The following CFAP299 variants were observed in gnomAD, a reference collection of about 807,000 sequenced individuals.
CFAP299 encodes cilia and flagella associated protein 299, also known as cilia- and flagella-associated protein 299.
Under a neutral mutation model 27.0 loss-of-function variants are expected in CFAP299, and 21 were observed. That is an observed-to-expected ratio of 0.78 (90% CI 0.55 to 1.12). CFAP299 has a LOEUF of 1.12. Among genes scored for constraint, CFAP299 ranks in the 50% most tolerant of loss-of-function variants. The pLI, the probability that CFAP299 is intolerant of heterozygous loss-of-function variation, is 0.00. For missense variants in CFAP299, 310 were observed against 276.6 expected (o/e 1.12, Z -0.86); for synonymous variants, 104 against 98.1 (o/e 1.06, Z -0.36).
chr4:80,898,694 T>G (rs981093174), intron 4 of CFAP299, among the ~76,000 whole-genome samples: 2 of 152,038 alleles, frequency 1.3e-5, no homozygotes, highest in African/African-American at 4.8e-5. Flanking sequence ...AAAATTAGAT[T>G]TTAATCCTTC....
chr4:80,369,848 C>T (rs530970751), intron 2 of CFAP299, among the ~76,000 whole-genome samples: 21 of 152,306 alleles, frequency 1.4e-4, no homozygotes, highest in East Asian at 1.4e-3. Flanking sequence ...CATTCCAGCA[C>T]TTTTAGCTGA....
At chr4:80,777,779 G>A (rs1343579247) in intron 3 of CFAP299, among the ~76,000 whole-genome samples, 1 of 152,060 alleles carries the variant, frequency 6.6e-6, no homozygotes, top group Non-Finnish European at 1.5e-5. Flanking sequence ...AACTCTTAGA[G>A]AGGTATACTA....
chr4:80,373,497 A>C (rs1430101586), intron 2 of CFAP299, among the ~76,000 whole-genome samples: 1 of 152,146 alleles, frequency 6.6e-6, no homozygotes, highest in Non-Finnish European at 1.5e-5. Context: ...ATGGCAGTGC[A>C]TCGTGCTTTT....
intron 3 of CFAP299, among the ~76,000 whole-genome samples, chr4:80,833,194 GAC>G (rs1730390056): frequency 1.3e-5 from 2 of 151,958 alleles, no homozygotes; most frequent in Non-Finnish European, 2.9e-5. Context: ...AATACTTAAA[GAC>G]ACAATTTACA....
intron 3 of CFAP299, among the ~76,000 whole-genome samples, chr4:80,849,011 A>G (rs767125517): frequency 1.2e-4 from 19 of 152,168 alleles, no homozygotes; most frequent in African/African-American, 2.2e-4. Flanking sequence ...TTCTTCTATA[A>G]TAAATTCACC....
intron 3 of CFAP299, among the ~76,000 whole-genome samples, chr4:80,783,391 C>A (rs1727046565): frequency 6.6e-6 from 1 of 152,120 alleles, no homozygotes; most frequent in African/African-American, 2.4e-5. Flanking sequence ...CCATACGAGG[C>A]ACCTCCATTT....
chr4:80,834,566 G>T (rs572898080), intron 3 of CFAP299, among the ~76,000 whole-genome samples: 1 of 152,136 alleles, frequency 6.6e-6, no homozygotes, highest in Non-Finnish European at 1.5e-5. Flanking sequence ...GTCTGTTTCT[G>T]ACACTTTCCC....
chr4:80,750,232 G>A (rs909681047), intron 3 of CFAP299, among the ~76,000 whole-genome samples: 1 of 151,876 alleles, frequency 6.6e-6, no homozygotes, highest in African/African-American at 2.4e-5. Context: ...ATAAAAAATA[G>A]CATTTAAAAA....
intron 2 of CFAP299, among the ~76,000 whole-genome samples, chr4:80,546,331 A>G (rs1486500287): frequency 6.6e-6 from 1 of 152,154 alleles, no homozygotes; most frequent in Non-Finnish European, 1.5e-5. Context: ...ATACACCAAT[A>G]CTATTCAACC....
At chr4:80,419,029 A>G (rs1727158017) in intron 2 of CFAP299, among the ~76,000 whole-genome samples, 1 of 152,178 alleles carries the variant, frequency 6.6e-6, no homozygotes, top group African/African-American at 2.4e-5. Flanking sequence ...CAGCAAATCT[A>G]TATCCATACA....
chr4:80,648,564 T>G (rs976688112), intron 3 of CFAP299, among the ~76,000 whole-genome samples: 1 of 152,148 alleles, frequency 6.6e-6, no homozygotes, highest in Admixed American at 6.6e-5. Flanking sequence ...TGAAAAATCT[T>G]GAAATAAAGA....
intron 2 of CFAP299, among the ~76,000 whole-genome samples, chr4:80,383,478 A>G (rs1460236463): frequency 6.6e-5 from 10 of 152,170 alleles, no homozygotes; most frequent in Admixed American, 6.5e-4. Context: ...CTTTCAAGGA[A>G]TCATATAGTG....
chr4:80,420,302 A>G (rs557484401), intron 2 of CFAP299: 5 of 441,100 alleles, frequency 1.1e-5, no homozygotes, highest in Admixed American at 9.6e-5. Flanking sequence ...TTCTCTACAG[A>G]TGCAAATCTC....
chr4:80,749,119 G>A (rs1724785532), intron 3 of CFAP299, among the ~76,000 whole-genome samples: 1 of 152,132 alleles, frequency 6.6e-6, no homozygotes, highest in Non-Finnish European at 1.5e-5. Context: ...TAAAGAGAAA[G>A]AGAATATTCA....
chr4:80,897,288 T>C (rs1247811293), intron 4 of CFAP299, among the ~76,000 whole-genome samples: 1 of 152,190 alleles, frequency 6.6e-6, no homozygotes, highest in African/African-American at 2.4e-5. Context: ...AGTAATTATA[T>C]ATTAGGCATC....
intron 3 of CFAP299, among the ~76,000 whole-genome samples, chr4:80,729,493 T>A (rs1208832224): frequency 6.6e-6 from 1 of 151,984 alleles, no homozygotes; most frequent in Non-Finnish European, 1.5e-5. Flanking sequence ...TCTTGGGCAC[T>A]CTTAGGTCAC....
At chr4:80,919,888 C>T (rs7655600) in intron 4 of CFAP299, among the ~76,000 whole-genome samples, 10,192 of 152,108 alleles carry the variant, frequency 0.067, 723 homozygotes, top group African/African-American at 0.16. Flanking sequence ...GCTTTGCCCC[C>T]AGTATATATG....
intron 3 of CFAP299, among the ~76,000 whole-genome samples, chr4:80,834,560 G>A (rs989398863): frequency 6.6e-6 from 1 of 152,164 alleles, no homozygotes; most frequent in Non-Finnish European, 1.5e-5. Context: ...TGTCCAGTCT[G>A]TTTCTGACAC....
At chr4:80,518,900 G>A (rs1313967802) in intron 2 of CFAP299, among the ~76,000 whole-genome samples, 3 of 152,212 alleles carry the variant, frequency 2.0e-5, no homozygotes, top group Admixed American at 6.5e-5. Context: ...ACAGGCAGAA[G>A]GAAGTACAAA....
Sources: gnomAD v4.1 joint callset for allele counts (sites outside exome capture counted in the v4.1 genomes callset) on GRCh38, gnomAD v4.1.1 for gene constraint, MANE v1.5 for transcripts, NCBI Gene and HGNC (gene_info 2026-07-23, HGNC 2026-07-21) for gene names.